The following CNTN5 variants were observed in gnomAD, a reference collection of about 807,000 sequenced individuals.
CNTN5 encodes the protein contactin 5, also known as contactin-5.
A neutral mutation model predicts 129.1 loss-of-function variants in CNTN5; 77 were observed. The ratio of observed to expected loss-of-function variants is 0.60; its 90% confidence interval spans 0.50 to 0.72. CNTN5 has a LOEUF of 0.72. Among genes scored for constraint, CNTN5 ranks in the 30% least tolerant of loss-of-function variants. The pLI is 0.00. For synonymous variants in CNTN5, 509 were observed against 465.6 expected (o/e 1.09, Z -1.20); for missense variants, 1,478 against 1,328.8 (o/e 1.11, Z -1.75).
chr11:99,265,795 G>T (rs1479025016), intron 1 of CNTN5, among the ~76,000 whole-genome samples: 2 of 151,716 alleles, frequency 1.3e-5, no homozygotes, highest in Non-Finnish European at 2.9e-5. Flanking sequence ...ACTATTTATT[G>T]AATGAAATAG....
At chr11:99,860,267 C>CT (rs929020303) in intron 6 of CNTN5, among the ~76,000 whole-genome samples, 1 of 151,902 alleles carries the variant, frequency 6.6e-6, no homozygotes. Flanking sequence ...GTTTTCTACT[C>CT]TTTTGACAGT....
Position 100,294,785 on chromosome 11 carries a change from A to C in CNTN5, c.2315-2840A>C, listed in dbSNP as rs538880172. On this transcript the variant is annotated intron_variant, in intron 18 of 24. Coordinates refer to ENST00000524871, the MANE Select transcript of CNTN5 (RefSeq NM_014361.4). ...ACACCATAAGCGCTCCGAAAGATTA[A>C]GTCAAATCCCTTCAGATCAGGAATA... is the stretch of plus-strand genomic sequence containing the variant. Among the ~76,000 whole-genome samples the C allele has an allele frequency of 6.6e-5, 10 of 151,792 alleles. No individual in the cohort carries two copies. In the South Asian group the frequency reaches 1.0e-3, roughly 16 times the overall value.
chr11:99,876,870 G>A (rs1326317710), intron 6 of CNTN5, among the ~76,000 whole-genome samples: 2 of 152,160 alleles, frequency 1.3e-5, no homozygotes, highest in Non-Finnish European at 2.9e-5. Context: ...TATACTAAAT[G>A]ATAAATTTCA....
intron 1 of CNTN5, among the ~76,000 whole-genome samples, chr11:99,023,709 T>C (rs1862988283): frequency 6.6e-6 from 1 of 152,210 alleles, no homozygotes; most frequent in African/African-American, 2.4e-5. Context: ...TATTGTAATT[T>C]GCCGAATCCA....
chr11:99,413,592 G>A (rs187661880), intron 2 of CNTN5, among the ~76,000 whole-genome samples: 7 of 151,312 alleles, frequency 4.6e-5, no homozygotes, highest in Non-Finnish European at 8.8e-5. Flanking sequence ...TCACTCCAAC[G>A]TGGGCAACAG....
At chr11:100,024,415 C>A (rs560575800) in intron 9 of CNTN5, among the ~76,000 whole-genome samples, 1 of 152,250 alleles carries the variant, frequency 6.6e-6, no homozygotes, top group East Asian at 1.9e-4. Context: ...AGAACTAATA[C>A]AACAAATTGG....
intron 3 of CNTN5, among the ~76,000 whole-genome samples, chr11:99,745,629 A>G (rs17677430): frequency 0.068 from 10,379 of 152,264 alleles, 535 homozygotes; most frequent in Non-Finnish European, 0.1. Flanking sequence ...CTTTATTTTT[A>G]CTACTGTGGA....
rs142918870 is a variant in CNTN5, at chr11:99,586,459, G to A, written c.55+30190G>A. Among the ~76,000 whole-genome samples the A allele has an allele frequency of 8.7e-3, 1,323 of 152,240 alleles. 14 individuals carry two copies. The highest frequency in any genetic ancestry group is 0.031 in the Middle Eastern group (9 of 294). On this transcript the variant is annotated intron_variant, in intron 3 of 24. Coordinates refer to ENST00000524871, the MANE Select transcript of CNTN5 (RefSeq NM_014361.4). The stretch of plus-strand genomic sequence containing the variant: ...GTTTTCTTTTTAATGTGCCAAATCT[G>A]TTTTAACCATGGTACCTTTCTGCAT...
chr11:100,118,300 C>A (rs929266486), intron 13 of CNTN5, among the ~76,000 whole-genome samples: 2 of 151,750 alleles, frequency 1.3e-5, no homozygotes, highest in African/African-American at 2.4e-5. Flanking sequence ...CTCATGACAG[C>A]AGAATGAAAT....
At chr11:99,966,807 C>T (rs1176969849) in intron 8 of CNTN5, among the ~76,000 whole-genome samples, 1 of 151,990 alleles carries the variant, frequency 6.6e-6, no homozygotes, top group Non-Finnish European at 1.5e-5. Context: ...TAATGTTGAA[C>T]AAAAAAAGTT....
Position 99,496,306 on chromosome 11 carries a change from G to A in CNTN5, c.-70-59839G>A, listed in dbSNP as rs917120907. ...ATTTATTTATTTGAGACAGAGTCTC[G>A]TTCTGTCGCCAGGCTGGAGTGCAGT... On this transcript the variant is annotated intron_variant, in intron 2 of 24. Coordinates refer to ENST00000524871, the MANE Select transcript of CNTN5 (RefSeq NM_014361.4). Among the ~76,000 whole-genome samples the A allele has an allele frequency of 4.6e-5, 7 of 152,208 alleles. No homozygotes were observed. The East Asian group carries it at 7.7e-4, about 17-fold the overall frequency.
chr11:100,147,462 AAG>A (rs141697804), intron 13 of CNTN5, among the ~76,000 whole-genome samples: 5,749 of 152,082 alleles, frequency 0.038, 348 homozygotes, highest in African/African-American at 0.13. Context: ...CTTAGGTGGA[AAG>A]AGTTTGTCTT....
Position 99,976,291 on chromosome 11 carries a change from A to G in CNTN5, c.877+19282A>G, listed in dbSNP as rs184111668. On this transcript the variant is annotated intron_variant, in intron 8 of 24. Coordinates refer to ENST00000524871, the MANE Select transcript of CNTN5 (RefSeq NM_014361.4). ...GGCATTAAGTACTTGCAGCTTTTCTAAGCACATGGTGCAAACTGTTGGTGG... is the reference window on the plus strand; with the variant it reads ...GGCATTAAGTACTTGCAGCTTTTCTGAGCACATGGTGCAAACTGTTGGTGG... 3.3e-5 allele frequency among the ~76,000 whole-genome samples: 5 copies of G among 152,304 alleles called. No homozygotes were observed. In the East Asian group the frequency reaches 9.7e-4, roughly 29 times the overall value.
At chr11:99,859,790 A>T (rs1948151638) in intron 6 of CNTN5, among the ~76,000 whole-genome samples, 1 of 152,174 alleles carries the variant, frequency 6.6e-6, no homozygotes, top group Admixed American at 6.5e-5. Flanking sequence ...TGCTATTGTG[A>T]ATAGTGCTTC....
chr11:100,056,724 A>G (rs1943241798), intron 9 of CNTN5, among the ~76,000 whole-genome samples: 2 of 151,712 alleles, frequency 1.3e-5, no homozygotes, highest in Admixed American at 1.3e-4. Flanking sequence ...TAAAGAGGAC[A>G]TAGAGTAGTA....
intron 8 of CNTN5, among the ~76,000 whole-genome samples, chr11:99,963,071 T>G (rs1433986074): frequency 6.6e-6 from 1 of 152,226 alleles, no homozygotes; most frequent in Non-Finnish European, 1.5e-5. Context: ...CTTTGTCAGA[T>G]GAGTAGATTG....
chr11:99,202,546 CTT>C lies in CNTN5; in HGVS notation c.-209-122799_-209-122798del, dbSNP rs546061089. On this transcript the variant is annotated intron_variant, in intron 1 of 24. Coordinates refer to ENST00000524871, the MANE Select transcript of CNTN5 (RefSeq NM_014361.4). ...TCTTAAGATGGCTTTAATTAACATT[CTT>C]AGTAATGTAACAAACAGACCTAAGA... 1.6e-4 allele frequency among the ~76,000 whole-genome samples: 25 copies of C among 152,222 alleles called. No individual in the cohort carries two copies. In the South Asian group the frequency reaches 4.3e-3, roughly 26 times the overall value.
chr11:99,675,825 C>T (rs1953255977), intron 3 of CNTN5, among the ~76,000 whole-genome samples: 1 of 152,134 alleles, frequency 6.6e-6, no homozygotes, highest in South Asian at 2.1e-4. Flanking sequence ...GTGACTCTGT[C>T]AACAAGTAGT....
At chr11:99,573,269 C>T (rs554029327) in intron 3 of CNTN5, among the ~76,000 whole-genome samples, 1 of 151,870 alleles carries the variant, frequency 6.6e-6, no homozygotes, top group Admixed American at 6.6e-5. Context: ...ATGGTAGGAA[C>T]GTTGTTTTAA....
Sources: allele counts gnomAD v4.1 joint callset (sites outside exome capture counted in the v4.1 genomes callset), GRCh38; gene constraint gnomAD v4.1.1; transcripts MANE v1.5; gene names NCBI Gene and HGNC (gene_info 2026-07-23, HGNC 2026-07-21).